The following HMCN1 variants were observed in gnomAD, a reference collection of about 807,000 sequenced individuals.
The protein encoded by HMCN1 is hemicentin 1, also known as hemicentin-1.
In HMCN1, 321 loss-of-function variants were observed where a neutral mutation model predicts 625.9. The ratio of observed to expected loss-of-function variants is 0.51; its 90% CI spans 0.47 to 0.56. HMCN1 has a LOEUF of 0.56. Among genes scored for constraint, HMCN1 ranks in the 20% least tolerant of loss-of-function variants. HMCN1 has a pLI of 0.00. For synonymous variants in HMCN1, 2,425 were observed against 2,417.6 expected, an observed-to-expected ratio of 1.00 and a Z score of -0.09; for missense variants, 6,588 against 6,887.3, an observed-to-expected ratio of 0.96 and a Z score of 1.54.
rs1265200872 is a variant in HMCN1 at position 185,909,485 on chromosome 1, T to C, written c.770T>C (p.Met257Thr). Residue 257 changes from methionine to threonine, a missense_variant, in exon 5 of 107, where the codon ATG becomes ACG. Met to Thr is a moderately conservative substitution (Grantham distance 81). Transcript: ENST00000271588. ...GTGTCTTTGAGTGGGCCTTCTCCAATGATTGAAATTCGCAATCCTTTAGGT... is the reference window on the plus strand; with the variant it reads ...GTGTCTTTGAGTGGGCCTTCTCCAACGATTGAAATTCGCAATCCTTTAGGT... The part of the protein sequence containing the change: ...VTVSLSGPSP[M>T]IEIRNPLGKL... 6.2e-7 allele frequency: 1 copy of C among 1,613,518 alleles called. No homozygotes were observed.
In HMCN1 at chr1:185,734,614, T is replaced by A. The variant is rs1653418604; in HGVS notation, c.-166T>A. 1.5e-6 allele frequency: 1 copy of A among 677,398 alleles called. No individual in the cohort carries two copies. The highest frequency in any genetic ancestry group is 2.6e-6 in the Non-Finnish European group (1 of 385,610). 42.0% of individuals were successfully genotyped at this position (677,398 alleles called of 1,614,324 possible). On this transcript the variant is annotated 5_prime_UTR_variant, in exon 1 of 107. Coordinates refer to ENST00000271588, the MANE Select transcript of HMCN1 (RefSeq NM_031935.3). Reference sequence around the variant, plus strand: ...TGCCCAACCCCTGGAGGGATTCGAGTTTGGTGCTTGTCCCCGTCTGATTCT... The same window carrying A: ...TGCCCAACCCCTGGAGGGATTCGAGATTGGTGCTTGTCCCCGTCTGATTCT...
intron 1 of HMCN1, among the ~76,000 whole-genome samples, chr1:185,779,997 T>C (rs990952881): frequency 8.5e-4 from 130 of 152,344 alleles, no homozygotes; most frequent in Middle Eastern, 6.8e-3. Context: ...TGTTCTTCCA[T>C]TTGTTTGTGT....
intron 97 of HMCN1, among the ~76,000 whole-genome samples, chr1:186,157,384 A>G (rs112765407): frequency 0.012 from 1,852 of 152,346 alleles, 40 homozygotes; most frequent in African/African-American, 0.041. Context: ...ATAACTCATA[A>G]TAACATTACA....
chr1:185,800,472 T>C (rs982606930), intron 1 of HMCN1, among the ~76,000 whole-genome samples: 1 of 152,312 alleles, frequency 6.6e-6, no homozygotes, highest in Admixed American at 6.5e-5. Flanking sequence ...GTCTTTAGCA[T>C]TTCCAAGCTA....
chr1:185,791,037 G>A lies in HMCN1; in HGVS notation c.269-54989G>A, dbSNP rs185712114. Among the ~76,000 whole-genome samples the A allele has an allele frequency of 1.8e-3, 279 of 151,780 alleles. 4 individuals carry two copies. Among genetic ancestry groups the A allele is most frequent in the Admixed American group, 0.018 (274 of 15,256 alleles). On this transcript the variant is annotated intron_variant, in intron 1 of 106. Transcript: ENST00000271588. The stretch of plus-strand genomic sequence containing the variant: ...CTTCCAGGCCTCTAACTTTATTGAT[G>A]TGGAACTGTTGTACCTAAAAATTTC...
intron 1 of HMCN1, among the ~76,000 whole-genome samples, chr1:185,829,654 A>C (rs980121488): frequency 6.6e-6 from 1 of 152,110 alleles, no homozygotes; most frequent in Non-Finnish European, 1.5e-5. Flanking sequence ...TATCCAGTCT[A>C]TCATTGGTGG....
chr1:186,095,754 T>G (rs949098028), intron 68 of HMCN1, among the ~76,000 whole-genome samples: 1 of 152,168 alleles, frequency 6.6e-6, no homozygotes, highest in African/African-American at 2.4e-5. Context: ...TTGTAAAACA[T>G]TACTCATTGA....
chr1:185,736,700 G>A (rs7364408), intron 1 of HMCN1, among the ~76,000 whole-genome samples: 1 of 152,148 alleles, frequency 6.6e-6, no homozygotes, highest in South Asian at 2.1e-4. Context: ...TTGTATTGTG[G>A]TGCCCTGCCT....
chr1:186,089,118 T>G (rs1659696677), intron 63 of HMCN1, among the ~76,000 whole-genome samples: 1 of 152,040 alleles, frequency 6.6e-6, no homozygotes, highest in South Asian at 2.1e-4. Flanking sequence ...TAAGATTTAA[T>G]TCACAAAGAA....
At chr1:185,857,969 T>G (rs17448216) in intron 2 of HMCN1, among the ~76,000 whole-genome samples, 35,245 of 152,118 alleles carry the variant, frequency 0.23, 4,524 homozygotes, top group Non-Finnish European at 0.29. Context: ...GAAAGCTACT[T>G]GCTTATAGTC....
At chr1:185,917,026 A>G (rs1666740420) in intron 6 of HMCN1, among the ~76,000 whole-genome samples, 1 of 152,144 alleles carries the variant, frequency 6.6e-6, no homozygotes, top group South Asian at 2.1e-4. Flanking sequence ...ATCATGGCCT[A>G]GTGGTATACT....
At chr1:186,076,342 T>G in intron 53 of HMCN1, 86 bp from the exon 54 acceptor site, 1 of 1,296,428 alleles carries the variant, frequency 7.7e-7, no homozygotes, top group African/African-American at 1.5e-5. Context: ...ATCTATTGCT[T>G]TTACAAATCA....
intron 29 of HMCN1, among the ~76,000 whole-genome samples, chr1:186,006,145 A>G (rs1653618922): frequency 6.6e-6 from 1 of 152,054 alleles, no homozygotes; most frequent in Non-Finnish European, 1.5e-5. Context: ...TCAAAAAAAA[A>G]AAAAAAAACC....
intron 42 of HMCN1, among the ~76,000 whole-genome samples, chr1:186,051,533 G>A (rs11803015): frequency 0.025 from 3,743 of 152,068 alleles, 153 homozygotes; most frequent in African/African-American, 0.085. Context: ...AGCCATGGGG[G>A]TAGAGAAGGG....
intron 4 of HMCN1, among the ~76,000 whole-genome samples, chr1:185,870,999 A>C (rs1450092894): frequency 6.6e-6 from 1 of 152,030 alleles, no homozygotes; most frequent in Admixed American, 6.6e-5. Context: ...TGGGAGGCCA[A>C]GGTGGGCGGA....
chr1:185,902,427 C>CTATG (rs1424345345), intron 4 of HMCN1, among the ~76,000 whole-genome samples: 1 of 150,342 alleles, frequency 6.7e-6, no homozygotes, highest in South Asian at 2.1e-4. Context: ...ATCTATCTAT[C>CTATG]TATCTATCTA....
Position 186,122,959 on chromosome 1 carries a change from G to A in HMCN1, c.12238G>A (p.Val4080Ile). ...TTTTTTGTATATTTTAGTTCCTCCA[G>A]TCATTAGCCCTCATCTAAAGGAATA... ...KIKLNVQVPP[V>I]ISPHLKEYVI... Residue 4080 changes from valine (V) to isoleucine (I), a missense_variant, in exon 81 of 107, where the codon GTC (valine) becomes ATC (isoleucine). This residue lies in a region of HMCN1 where 1,954 missense variants were observed against 2,013.1 expected (regional missense o/e 0.97). Transcript: ENST00000271588. 2 of 1,613,728 alleles carry A rather than the reference G, an allele frequency of 1.2e-6. No homozygotes were observed. Among genetic ancestry groups the A allele is most frequent in the Non-Finnish European group, 1.7e-6 (2 of 1,179,964 alleles).
chr1:185,907,396 A>T lies in HMCN1; in HGVS notation c.622-1941A>T, dbSNP rs528077346. Among the ~76,000 whole-genome samples, 7 of 151,912 alleles carry T rather than the reference A, an allele frequency of 4.6e-5. No individual in the cohort carries two copies. The South Asian group carries it at 1.2e-3, about 27-fold the overall frequency. ...TGCTTGAAGCCCTTTAGTCATTTTC[A>T]TTGGGATCTCTAGGATGAAATCCAA... On this transcript the variant is annotated intron_variant, in intron 4 of 106. Transcript: ENST00000271588.
intron 1 of HMCN1, among the ~76,000 whole-genome samples, chr1:185,811,055 C>G (rs1047347327): frequency 6.6e-6 from 1 of 152,084 alleles, no homozygotes; most frequent in African/African-American, 2.4e-5. Flanking sequence ...TTCATTTGTC[C>G]TGATATTCAA....
Sources: gnomAD v4.1 joint callset for allele counts (sites outside exome capture counted in the v4.1 genomes callset) on GRCh38, gnomAD v4.1.1 for gene constraint, gnomAD v4.1.1 regional missense constraint, MANE v1.5 for transcripts, NCBI Gene and HGNC (gene_info 2026-07-23, HGNC 2026-07-21) for gene names.